KIF5B: variants seen among roughly 807,000 people sequenced by gnomAD.
KIF5B encodes the protein kinesin family member 5B.
Under a neutral mutation model 132.8 loss-of-function variants are expected in KIF5B, and 49 were observed. The ratio of observed to expected loss-of-function variants is 0.37; its 90% CI spans 0.29 to 0.47. The LOEUF is 0.47. KIF5B is among the 20% of genes least tolerant of loss of function. KIF5B has a pLI of 1.00. For missense variants in KIF5B, 780 were observed against 1,144.0 expected (o/e 0.68, Z 4.59); for synonymous variants, 355 against 369.4 (o/e 0.96, Z 0.45).
At chr10:32,040,657 A>ACACACACACC (rs370537671) in intron 2 of KIF5B, among the ~76,000 whole-genome samples, 200 bp from the exon 3 acceptor site, 9,332 of 137,584 alleles carry the variant, frequency 0.068, 313 homozygotes, top group South Asian at 0.11. Flanking sequence ...ACACACACAC[A>ACACACACACC]CCCTCTTCCT....
chr10:32,038,103 C>T (rs1279034870), intron 6 of KIF5B, 60 bp downstream of exon 6: 9 of 1,020,010 alleles, frequency 8.8e-6, no homozygotes, highest in Admixed American at 8.7e-5. Flanking sequence ...GAGTGAGACT[C>T]TGTCTTAAAA....
In KIF5B at chr10:32,028,410, C is replaced by T. The variant is rs1298784043; in HGVS notation, c.1725+18G>A. Reference sequence around the variant, plus strand: ...TGTATACAGATAATTGTCCTTAATACTTAGTTATTATATTTACCTTTACAT... The same window carrying T: ...TGTATACAGATAATTGTCCTTAATATTTAGTTATTATATTTACCTTTACAT... On this transcript the variant is annotated intron_variant, in intron 15 of 25. Transcript: ENST00000302418. 6.3e-6 allele frequency: 10 copies of T among 1,591,546 alleles called. No individual in the cohort carries two copies. The highest frequency in any genetic ancestry group is 3.4e-5 in the Admixed American group (2 of 58,828).
At chr10:32,048,639 A>C (rs1347374102) in intron 1 of KIF5B, 88 bp from the exon 2 acceptor site, 2 of 896,330 alleles carry the variant, frequency 2.2e-6, no homozygotes, top group Admixed American at 4.5e-5. Flanking sequence ...TAATATATTT[A>C]ATCCTCAAAA....
intron 1 of KIF5B, 61 bp from the exon 2 acceptor site, chr10:32,048,612 T>C (rs1841647139): frequency 2.6e-6 from 3 of 1,145,222 alleles, no homozygotes; most frequent in South Asian, 2.6e-5. Context: ...TTTCTAACCT[T>C]TACAGATGCC....
intron 14 of KIF5B, among the ~76,000 whole-genome samples, chr10:32,030,429 T>C (rs1196302632): frequency 6.6e-6 from 1 of 151,104 alleles, no homozygotes; most frequent in African/African-American, 2.4e-5. Context: ...GGCAGGAGAA[T>C]CATTGAACCC....
At chr10:32,021,612 G>A (rs1391737860) in intron 17 of KIF5B, among the ~76,000 whole-genome samples, 3 of 144,266 alleles carry the variant, frequency 2.1e-5, no homozygotes, top group Non-Finnish European at 4.6e-5. Context: ...CACACACCCC[G>A]CTTCGTAACT....
At position 32,033,930 on chromosome 10, in the gene KIF5B, A is replaced by G. The variant is rs771847373; in HGVS notation, c.1220T>C (p.Ile407Thr). 5.6e-6 allele frequency: 9 copies of G among 1,612,846 alleles called. No homozygotes were observed. The highest frequency in any genetic ancestry group is 4.5e-5 in the East Asian group (2 of 44,832). ...ATCAGTAAAATTTCCTATAACTCCA[A>G]TTGCGGTTGCTGGTTTATCATTGGT... ...TLTNDKPATA[I>T]GVIGNFTDAE... The change falls in exon 12 of 26, where the codon ATT becomes ACT. Residue 407 changes from isoleucine to threonine, a missense_variant. Around this residue, in one of 9 missense-constraint regions of KIF5B, gnomAD observed 471 missense variants for 569.9 expected, o/e 0.83. Coordinates refer to ENST00000302418, the MANE Select transcript of KIF5B (RefSeq NM_004521.3).
chr10:32,026,758 A>C (rs1841339546), intron 15 of KIF5B, among the ~76,000 whole-genome samples: 1 of 152,206 alleles, frequency 6.6e-6, no homozygotes, highest in Non-Finnish European at 1.5e-5. Context: ...CTACAAAGCA[A>C]ATCTTGAACA....
intron 1 of KIF5B, among the ~76,000 whole-genome samples, chr10:32,053,384 T>G (rs910727780): frequency 2.2e-4 from 34 of 151,164 alleles, no homozygotes; most frequent in African/African-American, 8.0e-4. Flanking sequence ...TTTTTAAGGC[T>G]ATGTTATTCA....
Position 32,038,841 on chromosome 10 carries a change from TA to T in KIF5B, c.394-16del. The T allele has an allele frequency of 2.0e-6, 3 of 1,466,874 alleles. No individual in the cohort carries two copies. Among genetic ancestry groups the T allele is most frequent in the Admixed American group, 1.8e-5 (1 of 54,194 alleles). The allele number at this position is 1,466,874 out of a possible 1,614,324, so 90.9% of individuals were successfully genotyped here. ...AAATATGAAACCTAAAGGGCAAATTTAAAAAAACACCGATCAACTAAAGTTA... is the reference window on the plus strand; with the variant it reads ...AAATATGAAACCTAAAGGGCAAATTTAAAAAACACCGATCAACTAAAGTTA... On this transcript the variant is annotated splice_polypyrimidine_tract_variant and intron_variant, in intron 4 of 25. Coordinates refer to ENST00000302418, the MANE Select transcript of KIF5B (RefSeq NM_004521.3).
chr10:32,056,040 C>G lies in KIF5B; in HGVS notation c.-67G>C. 1 of 1,580,370 alleles carries G rather than the reference C, an allele frequency of 6.3e-7. No individual in the cohort carries two copies. The highest frequency in any genetic ancestry group is 8.6e-7 in the Non-Finnish European group (1 of 1,168,842). ...CCGCTCAGTCTTGCAGGGAACGCGC[C>G]GGACCTGAGGGCTTGTGGTCGCGAG... On this transcript the variant is annotated 5_prime_UTR_variant, in exon 1 of 26. Transcript: ENST00000302418.
intron 21 of KIF5B, 25 bp from the exon 22 acceptor site, chr10:32,018,412 T>C (rs766797191): frequency 3.6e-5 from 56 of 1,570,232 alleles, no homozygotes; most frequent in Admixed American, 8.1e-5. Flanking sequence ...AGCGATATTT[T>C]TGGAGCTCAG....
rs185924595 is a variant in KIF5B, at chr10:32,010,421, A to C, written c.*1116T>G. On this transcript the variant is annotated 3_prime_UTR_variant, in exon 26 of 26. Coordinates refer to ENST00000302418, the MANE Select transcript of KIF5B (RefSeq NM_004521.3). Reference sequence around the variant, plus strand: ...CAAACAATTTACTATTTCTAGACTAAAGAAATAAATTAGTGTACAAATTAG... The same window carrying C: ...CAAACAATTTACTATTTCTAGACTACAGAAATAAATTAGTGTACAAATTAG... 51 of 152,308 alleles carry C rather than the reference A, an allele frequency of 3.3e-4. 1 individual carries two copies. The highest frequency in any genetic ancestry group is 1.7e-3 in the Admixed American group (26 of 15,294). 9.4% of individuals were successfully genotyped at this position (152,308 alleles called of 1,614,324 possible). A position where few individuals can be genotyped will look rare whatever the true frequency, so the allele number is the denominator to read the frequency against.
Position 32,011,051 on chromosome 10 carries a change from A to C in KIF5B, c.*486T>G, listed in dbSNP as rs1478632265. 6.6e-6 allele frequency: 1 copy of C among 152,202 alleles called. No homozygotes were observed. Among genetic ancestry groups the C allele is most frequent in the Non-Finnish European group, 1.5e-5 (1 of 68,018 alleles). 9.4% of individuals were successfully genotyped at this position (152,202 alleles called of 1,614,324 possible). On this transcript the variant is annotated 3_prime_UTR_variant, in exon 26 of 26. Coordinates refer to ENST00000302418, the MANE Select transcript of KIF5B (RefSeq NM_004521.3). Reference sequence around the variant, plus strand: ...GCATGTAGTGTTGTTAAGTGGTAAAATTTAAAGACATTTAACCTAAATGTT... The same window carrying C: ...GCATGTAGTGTTGTTAAGTGGTAAACTTTAAAGACATTTAACCTAAATGTT...
At chr10:32,032,920 G>GA (rs1841419523) in intron 12 of KIF5B, 146 bp from the exon 13 acceptor site, 1 of 649,894 alleles carries the variant, frequency 1.5e-6, no homozygotes. Flanking sequence ...TCTCTTTTAA[G>GA]AAAATGGCAA....
At position 32,028,423 on chromosome 10, in the gene KIF5B, T is replaced by G; in HGVS notation, c.1725+5A>C. On this transcript the variant is annotated splice_donor_5th_base_variant and intron_variant, in intron 15 of 25. Transcript: ENST00000302418. ...TTGTCCTTAATACTTAGTTATTATA[T>G]TTACCTTTACATCATTATTTCCCAC... The G allele has an allele frequency of 6.2e-7, 1 of 1,605,914 alleles. No individual in the cohort carries two copies. The highest frequency in any genetic ancestry group is 8.5e-7 in the Non-Finnish European group (1 of 1,173,688).
At chr10:32,028,000 T>A (rs972904083) in intron 15 of KIF5B, among the ~76,000 whole-genome samples, 1 of 151,880 alleles carries the variant, frequency 6.6e-6, no homozygotes, top group Non-Finnish European at 1.5e-5. Flanking sequence ...GGAGACAGCA[T>A]CTTGATCTGT....
In KIF5B at chr10:32,048,532, T is replaced by A; in HGVS notation, c.146A>T (p.Asp49Val). 4 of 1,613,642 alleles carry A rather than the reference T, an allele frequency of 2.5e-6. No individual in the cohort carries two copies. The highest frequency in any genetic ancestry group is 3.4e-6 in the Non-Finnish European group (4 of 1,179,786). ...AGATGTGCTTGACTGGAACACCCGA[T>A]CAAATGCATAAGGCTTGGACTGAAA... Reference protein sequence around the residue: ...VVIASKPYAFDRVFQSSTSQE... With the variant: ...VVIASKPYAFVRVFQSSTSQE... Residue 49 changes from aspartate to valine, a missense_variant, in exon 2 of 26, where the codon GAT becomes GTT. Transcript: ENST00000302418.
chr10:32,023,041 A>G lies in KIF5B; in HGVS notation c.1726-5T>C, dbSNP rs176924. The G allele has an allele frequency of 0.99, 1,509,540 of 1,517,138 alleles. 751,326 individuals are homozygous for G. Among genetic ancestry groups the G allele is most frequent in the East Asian group, 1 (43,366 of 43,366 alleles). The allele number at this position is 1,517,138 out of a possible 1,614,324, so 94.0% of individuals were successfully genotyped here. ...CATGCCAGTTCCCTCAGGCTGCTGT[A>G]AGGAAAAAGTAAAATAAAAAATTAA... On this transcript the variant is annotated splice_polypyrimidine_tract_variant and splice_region_variant and intron_variant, in intron 15 of 25. Transcript: ENST00000302418.
Sources: allele counts gnomAD v4.1 joint callset (sites outside exome capture counted in the v4.1 genomes callset), GRCh38; gene constraint gnomAD v4.1.1; regional missense constraint gnomAD v4.1.1; transcripts MANE v1.5; gene names NCBI Gene and HGNC (gene_info 2026-07-23, HGNC 2026-07-21).